The following TRIM25 variants were observed in gnomAD, a reference collection of about 807,000 sequenced individuals.
The protein encoded by TRIM25 is tripartite motif containing 25.
In TRIM25, 45 loss-of-function variants were observed where a neutral mutation model predicts 65.2. That is an observed-to-expected ratio of 0.69 (90% CI 0.54 to 0.89). TRIM25 has a LOEUF of 0.89. Ranked by LOEUF, TRIM25 falls within the 40% of genes least tolerant of loss-of-function variation. TRIM25 has a pLI of 0.00. For missense variants in TRIM25, 714 were observed against 803.7 expected (o/e 0.89, Z 1.35); for synonymous variants, 321 against 340.4 (o/e 0.94, Z 0.63).
In TRIM25 at chr17:56,892,129, G is replaced by A. The variant is rs1281933154; in HGVS notation, c.1464C>T (p.Tyr488=). ...VASVAEMPQN[Y]RPHPQRFTYC... ...ATGTGAACCTCTGGGGATGCGGCCG[G>A]TAGTTCTGAGGCATCTCAGCCACAG... The change falls in exon 9 of 9, where the codon TAC becomes TAT. Residue 488 remains tyrosine (Y), a synonymous_variant. Coordinates refer to ENST00000316881, the MANE Select transcript of TRIM25 (RefSeq NM_005082.5). The A allele has an allele frequency of 5.0e-6, 8 of 1,614,198 alleles. No individual in the cohort carries two copies. The highest frequency in any genetic ancestry group is 6.8e-6 in the Non-Finnish European group (8 of 1,180,040).
chr17:56,892,440 T>A (rs1016978224), intron 8 of TRIM25, among the ~76,000 whole-genome samples: 1 of 152,182 alleles, frequency 6.6e-6, no homozygotes, highest in Non-Finnish European at 1.5e-5. Context: ...CATGTATCCA[T>A]CCATCCATCT....
intron 1 of TRIM25, among the ~76,000 whole-genome samples, chr17:56,912,606 C>T (rs998109733): frequency 1.3e-5 from 2 of 152,178 alleles, no homozygotes; most frequent in African/African-American, 4.8e-5. Context: ...GACCTGGATA[C>T]GAGGCTGGTC....
chr17:56,908,130 C>A (rs972177416), intron 2 of TRIM25, among the ~76,000 whole-genome samples: 2 of 152,220 alleles, frequency 1.3e-5, no homozygotes, highest in Non-Finnish European at 2.9e-5. Flanking sequence ...TAATATACTT[C>A]CTTTTTGTAA....
chr17:56,893,020 CAG>C (rs1909213357), intron 8 of TRIM25, among the ~76,000 whole-genome samples: 1 of 152,150 alleles, frequency 6.6e-6, no homozygotes, highest in South Asian at 2.1e-4. Flanking sequence ...CAGAGGAGAA[CAG>C]AGAGAGAAAA....
chr17:56,890,342 A>C lies in TRIM25; in HGVS notation c.*1358T>G, dbSNP rs947484691. 1.2e-5 allele frequency: 4 copies of C among 347,434 alleles called. No individual in the cohort carries two copies. In the Admixed American group the frequency reaches 1.6e-4, roughly 14 times the overall value. 21.5% of individuals were successfully genotyped at this position (347,434 alleles called of 1,614,324 possible). A position where few individuals can be genotyped will look rare whatever the true frequency, so the allele number is the denominator to read the frequency against. ...TATTTTCACCACACAGAAACACTGC[A>C]GGGAAAATAGCCACTTGTGTGACCC... is the stretch of plus-strand genomic sequence containing the variant. On this transcript the variant is annotated 3_prime_UTR_variant, in exon 9 of 9. Coordinates refer to ENST00000316881, the MANE Select transcript of TRIM25 (RefSeq NM_005082.5).
chr17:56,899,370 T>C (rs1009844458), intron 4 of TRIM25, among the ~76,000 whole-genome samples, 190 bp from the exon 5 acceptor site: 1 of 152,170 alleles, frequency 6.6e-6, no homozygotes, highest in Non-Finnish European at 1.5e-5. Flanking sequence ...TTCCCTTTTT[T>C]CTCTGACTTT....
chr17:56,893,163 A>G (rs950606768), intron 8 of TRIM25, among the ~76,000 whole-genome samples: 2 of 150,446 alleles, frequency 1.3e-5, no homozygotes, highest in African/African-American at 5.0e-5. Flanking sequence ...TGTTGGGGCT[A>G]GAAAGGGAAG....
rs1438588502 is a variant in TRIM25, at chr17:56,913,687, G to C, written c.302C>G (p.Pro101Arg). 6.3e-7 allele frequency: 1 copy of C among 1,592,266 alleles called. No individual in the cohort carries two copies. Among genetic ancestry groups the C allele is most frequent in the Non-Finnish European group, 8.6e-7 (1 of 1,169,270 alleles). The change falls in exon 1 of 9, where the codon CCG becomes CGG. Residue 101 changes from proline (P) to arginine (R), a missense_variant. Physicochemically the swap from Pro to Arg is moderately radical, Grantham distance 103 (BLOSUM62 -2). Around this residue, in one of 3 missense-constraint regions of TRIM25, gnomAD observed 291 missense variants for 281.8 expected, o/e 1.03. Transcript: ENST00000316881. This position sits in a 1 kb window ranked among gnomAD's most constrained non-coding sequence, Gnocchi z 6.1. ...GTGGTCGCAGGCCACCTGGGCATTC[G>C]GGCTGGGTGCAGAGGCGCGGGCGGG... ...TPPARASAPS[P>R]NAQVACDHCL...
At chr17:56,906,141 T>C (rs759901510) in intron 2 of TRIM25, among the ~76,000 whole-genome samples, 7 of 152,244 alleles carry the variant, frequency 4.6e-5, no homozygotes, top group African/African-American at 7.2e-5. Context: ...CCAAAGCTCA[T>C]GCTGAGATTT....
Position 56,891,964 on chromosome 17 carries a change from G to A in TRIM25, c.1629C>T (p.Gly543=), listed in dbSNP as rs373822862. ...CCACGCACCAGGAGGCGCTGTTGCGGCCGAGCCTGCTTTCTGGGCCCTGCC... is the reference window on the plus strand; with the variant it reads ...CCACGCACCAGGAGGCGCTGTTGCGACCGAGCCTGCTTTCTGGGCCCTGCC... ...MNRQGPESRL[G]RNSASWCVEW... is the part of the protein sequence containing the mutation. Residue 543 remains glycine (G), a synonymous_variant, in exon 9 of 9, where the codon GGC becomes GGT. Transcript: ENST00000316881. 71 of 1,614,092 alleles carry A rather than the reference G, an allele frequency of 4.4e-5. No homozygotes were observed. The African/African-American group carries it at 9.1e-4, about 21-fold the overall frequency.
At chr17:56,893,818 C>T (rs570316558) in intron 8 of TRIM25, among the ~76,000 whole-genome samples, 2 of 152,308 alleles carry the variant, frequency 1.3e-5, no homozygotes, top group South Asian at 2.1e-4. Context: ...GGAGGAATGC[C>T]ACTGACAGGT....
At chr17:56,895,779 A>G (rs1909280595) in intron 6 of TRIM25, 147 bp downstream of exon 6, 2 of 1,232,478 alleles carry the variant, frequency 1.6e-6, no homozygotes, top group African/African-American at 3.1e-5. Flanking sequence ...CCTCCCCTCC[A>G]GCCTCAGGCC....
chr17:56,892,383 G>A (rs368858968), intron 8 of TRIM25, among the ~76,000 whole-genome samples, 154 bp from the exon 9 acceptor site: 1 of 151,948 alleles, frequency 6.6e-6, no homozygotes, highest in South Asian at 2.1e-4. Context: ...CCATCTGTCT[G>A]TCTATTCATC....
At chr17:56,894,589 G>A (rs761092933) in intron 8 of TRIM25, among the ~76,000 whole-genome samples, 14 of 152,214 alleles carry the variant, frequency 9.2e-5, no homozygotes, top group Non-Finnish European at 7.3e-5. Flanking sequence ...GTGAAAGGGA[G>A]GCAGGAAACA....
intron 1 of TRIM25, among the ~76,000 whole-genome samples, chr17:56,910,093 C>A (rs918246890): frequency 1.3e-5 from 2 of 152,084 alleles, no homozygotes; most frequent in African/African-American, 4.8e-5. Context: ...TAGTAACTGG[C>A]ACAGCTAAGA....
Position 56,913,544 on chromosome 17 carries a change from C to A in TRIM25, c.445G>T (p.Val149Phe). 6.2e-7 allele frequency: 1 copy of A among 1,613,650 alleles called. No individual in the cohort carries two copies. Reference protein sequence around the residue: ...AFQDHPLQPPVRDLLRRKCSQ... With the variant: ...AFQDHPLQPPFRDLLRRKCSQ... ...CATTTGCGGCGCAACAGGTCGCGAA[C>A]GGGCGGCTGCAGCGGGTGGTCCTGG... The change falls in exon 1 of 9, where the codon GTT becomes TTT. Residue 149 changes from valine to phenylalanine, a missense_variant. By Grantham distance (50) the Val-to-Phe change is conservative (BLOSUM62 -1). Coordinates refer to ENST00000316881, the MANE Select transcript of TRIM25 (RefSeq NM_005082.5). This position sits in a 1 kb window ranked among gnomAD's most constrained non-coding sequence, Gnocchi z 6.1.
At chr17:56,892,464 T>C (rs973137643) in intron 8 of TRIM25, among the ~76,000 whole-genome samples, 1 of 152,284 alleles carries the variant, frequency 6.6e-6, no homozygotes, top group Non-Finnish European at 1.5e-5. Flanking sequence ...CATCTACCCA[T>C]GTATCCATAT....
intron 7 of TRIM25, 29 bp from the exon 8 acceptor site, chr17:56,895,470 A>G (rs1206946066): frequency 1.2e-6 from 2 of 1,614,006 alleles, no homozygotes; most frequent in Non-Finnish European, 8.5e-7. Flanking sequence ...AGTGATTTGC[A>G]GAACAAACTC....
intron 5 of TRIM25, among the ~76,000 whole-genome samples, chr17:56,898,494 C>T (rs1346446866): frequency 1.3e-5 from 2 of 152,166 alleles, no homozygotes; most frequent in Non-Finnish European, 2.9e-5. Flanking sequence ...ATGGCAGGTG[C>T]CTGCCCAATG....
Sources: allele counts gnomAD v4.1 joint callset (sites outside exome capture counted in the v4.1 genomes callset), GRCh38; gene constraint gnomAD v4.1.1; regional missense constraint gnomAD v4.1.1; non-coding constraint Gnocchi (gnomAD v3.1); transcripts MANE v1.5; gene names NCBI Gene and HGNC (gene_info 2026-07-23, HGNC 2026-07-21).